Variants in ANKS1B observed in about 807,000 individuals in gnomAD.
ANKS1B encodes the protein ankyrin repeat and sterile alpha motif domain-containing protein 1B.
Under a neutral mutation model 148.3 loss-of-function variants are expected in ANKS1B, and 36 were observed. That is an observed-to-expected ratio of 0.24 (90% confidence interval 0.19 to 0.32). The LOEUF (loss-of-function observed/expected upper bound fraction) is 0.32. Ranked by LOEUF, ANKS1B falls within the 10% of genes least tolerant of loss-of-function variation. The probability of loss-of-function intolerance (pLI) is 1.00; values close to 1 mark genes in which losing one functional copy is unlikely to be tolerated. For synonymous variants in ANKS1B, 542 were observed against 560.8 expected (o/e 0.97, Z 0.47); for missense variants, 1,157 against 1,542.6 (o/e 0.75, Z 4.19).
In ANKS1B at chr12:98,938,724, C is replaced by A. The variant is rs534888535; in HGVS notation, c.2779-106588G>T. On this transcript the variant is annotated intron_variant, in intron 17 of 26. Transcript: ENST00000683438. ...TGAAAACTTGAGAGCTTAAGACTCGCCAGCATGGGCTAAGAATAGATCACA... is the reference window on the plus strand; with the variant it reads ...TGAAAACTTGAGAGCTTAAGACTCGACAGCATGGGCTAAGAATAGATCACA... Among the ~76,000 whole-genome samples the A allele has an allele frequency of 1.7e-4, 26 of 152,308 alleles. No individual in the cohort carries two copies. In the South Asian group the frequency reaches 5.4e-3, roughly 32 times the overall value.
chr12:99,396,674 T>C (rs2094253732), intron 12 of ANKS1B, among the ~76,000 whole-genome samples: 1 of 152,182 alleles, frequency 6.6e-6, no homozygotes, highest in Non-Finnish European at 1.5e-5. Context: ...CCTCTGCTTC[T>C]GGTGGTCAGT....
intron 14 of ANKS1B, among the ~76,000 whole-genome samples, chr12:99,241,111 T>C (rs2089229163): frequency 6.6e-6 from 1 of 152,136 alleles, no homozygotes; most frequent in Non-Finnish European, 1.5e-5. Context: ...ATCCAGGAGC[T>C]GGTTTTTTGA....
intron 8 of ANKS1B, among the ~76,000 whole-genome samples, chr12:99,681,982 A>G (rs2098622015): frequency 6.6e-6 from 1 of 152,254 alleles, no homozygotes; most frequent in South Asian, 2.1e-4. Context: ...TACATAAGGT[A>G]AAACAGACTT....
chr12:99,495,052 A>G (rs1229260548), intron 10 of ANKS1B, among the ~76,000 whole-genome samples: 4 of 152,196 alleles, frequency 2.6e-5, no homozygotes, highest in Non-Finnish European at 4.4e-5. Context: ...GATTGAGGAA[A>G]GCAATACAGA....
At chr12:99,750,487 A>C (rs1236012230) in intron 8 of ANKS1B, among the ~76,000 whole-genome samples, 2 of 152,144 alleles carry the variant, frequency 1.3e-5, no homozygotes, top group Non-Finnish European at 2.9e-5. Context: ...GAGAAAAATT[A>C]TTTAAATTAT....
intron 9 of ANKS1B, among the ~76,000 whole-genome samples, chr12:99,515,761 TCTC>T (rs1036515345): frequency 1.3e-5 from 2 of 151,578 alleles, no homozygotes; most frequent in Non-Finnish European, 1.5e-5. Context: ...TCCAAACTGT[TCTC>T]CTCACATTCC....
At chr12:99,704,731 G>C (rs1321474016) in intron 8 of ANKS1B, among the ~76,000 whole-genome samples, 1 of 152,044 alleles carries the variant, frequency 6.6e-6, no homozygotes, top group Non-Finnish European at 1.5e-5. Context: ...CTGATAAGCT[G>C]TCTGGTATAA....
At chr12:99,673,952 C>T (rs2098550166) in intron 8 of ANKS1B, among the ~76,000 whole-genome samples, 1 of 151,568 alleles carries the variant, frequency 6.6e-6, no homozygotes, top group Admixed American at 6.6e-5. Context: ...TAAAAATCAA[C>T]AGTCTTTCTA....
chr12:99,234,942 G>T (rs1352828131), intron 14 of ANKS1B, among the ~76,000 whole-genome samples: 1 of 152,120 alleles, frequency 6.6e-6, no homozygotes, highest in East Asian at 1.9e-4. Flanking sequence ...AAGTGGAATG[G>T]TACATGCCAT....
At chr12:99,523,992 G>A (rs574013569) in intron 9 of ANKS1B, among the ~76,000 whole-genome samples, 1 of 152,310 alleles carries the variant, frequency 6.6e-6, no homozygotes, top group African/African-American at 2.4e-5. Flanking sequence ...ACTGCTTCCT[G>A]AATTTTTTCT....
chr12:99,742,773 G>C (rs573044552), intron 8 of ANKS1B, among the ~76,000 whole-genome samples: 1 of 149,868 alleles, frequency 6.7e-6, no homozygotes, highest in African/African-American at 2.5e-5. Context: ...GGGAGGCAGA[G>C]GTTGCAGTGA....
chr12:99,277,384 A>G (rs1226313024), intron 12 of ANKS1B, among the ~76,000 whole-genome samples: 1 of 152,228 alleles, frequency 6.6e-6, no homozygotes, highest in Non-Finnish European at 1.5e-5. Context: ...TATCAAAGCT[A>G]CTTTGGTGCC....
At chr12:99,080,091 A>C (rs1017687239) in intron 16 of ANKS1B, 10 of 152,358 alleles carry the variant, frequency 6.6e-5, no homozygotes, top group African/African-American at 2.4e-4. Context: ...TACCGCTTTA[A>C]GGCTGGTACA....
intron 17 of ANKS1B, chr12:98,931,674 A>G (rs1463718551): frequency 1.3e-5 from 2 of 152,166 alleles, no homozygotes; most frequent in East Asian, 3.8e-4. Context: ...AATATTTCCT[A>G]GACACTTTTG....
chr12:99,478,540 C>T (rs541162732), intron 10 of ANKS1B, among the ~76,000 whole-genome samples: 3 of 152,124 alleles, frequency 2.0e-5, no homozygotes, highest in Admixed American at 6.6e-5. Context: ...GCCAACTCAT[C>T]GGGTATGCAA....
chr12:99,491,894 G>A (rs1235574171), intron 10 of ANKS1B, among the ~76,000 whole-genome samples: 3 of 152,082 alleles, frequency 2.0e-5, no homozygotes, highest in Admixed American at 2.0e-4. Context: ...CAGAATCTCT[G>A]GAACACAGCT....
intron 9 of ANKS1B, among the ~76,000 whole-genome samples, chr12:99,557,898 CTT>C (rs2097293972): frequency 6.6e-6 from 1 of 152,106 alleles, no homozygotes; most frequent in Non-Finnish European, 1.5e-5. Context: ...AGTCAACAGG[CTT>C]TGTTTCTGGA....
chr12:99,277,459 GAA>G (rs2077822353), intron 12 of ANKS1B, among the ~76,000 whole-genome samples: 1 of 152,104 alleles, frequency 6.6e-6, no homozygotes, highest in Non-Finnish European at 1.5e-5. Context: ...AAGGGTCTGT[GAA>G]AATTAAAAAG....
chr12:98,914,171 A>G (rs1014339917), intron 17 of ANKS1B, among the ~76,000 whole-genome samples: 7 of 152,066 alleles, frequency 4.6e-5, no homozygotes, highest in African/African-American at 1.7e-4. Context: ...TGAGTGAGCC[A>G]TGAGATCTGG....
Sources: gnomAD v4.1 joint callset for allele counts (sites outside exome capture counted in the v4.1 genomes callset) on GRCh38, gnomAD v4.1.1 for gene constraint, MANE v1.5 for transcripts, NCBI Gene and HGNC (gene_info 2026-07-23, HGNC 2026-07-21) for gene names.